Variants in CNTN4 observed in about 807,000 individuals in gnomAD.
CNTN4 encodes the protein contactin-4.
Under a neutral mutation model 122.5 loss-of-function variants are expected in CNTN4, and 77 were observed. The observed-to-expected ratio is 0.63, with a 90% confidence interval of 0.52 to 0.76. The LOEUF (loss-of-function observed/expected upper bound fraction) is 0.76. Among genes scored for constraint, CNTN4 ranks in the 30% least tolerant of loss-of-function variants. The pLI is 0.00. For missense variants in CNTN4, 1,256 were observed against 1,259.1 expected, an observed-to-expected ratio of 1.00 and a Z score of 0.04; for synonymous variants, 512 against 447.0, an observed-to-expected ratio of 1.15 and a Z score of -1.83.
At chr3:2,918,583 C>G (rs896992042) in intron 12 of CNTN4, among the ~76,000 whole-genome samples, 1 of 152,172 alleles carries the variant, frequency 6.6e-6, no homozygotes, top group African/African-American at 2.4e-5. Context: ...ATGTTGATAG[C>G]TTGAAATTGG....
At chr3:2,650,092 T>TATATAA (rs1365236547) in intron 4 of CNTN4, among the ~76,000 whole-genome samples, 21 of 147,478 alleles carry the variant, frequency 1.4e-4, no homozygotes, top group African/African-American at 5.2e-4. Flanking sequence ...TATATATATA[T>TATATAA]AAAAGGGAAG....
At chr3:2,897,819 T>C (rs539098720) in intron 10 of CNTN4, among the ~76,000 whole-genome samples, 1 of 152,318 alleles carries the variant, frequency 6.6e-6, no homozygotes, top group African/African-American at 2.4e-5. Flanking sequence ...TTAGAGCATT[T>C]CAGATTTTAG....
chr3:2,335,530 G>A (rs1461257394), intron 2 of CNTN4, among the ~76,000 whole-genome samples: 1 of 150,958 alleles, frequency 6.6e-6, no homozygotes, highest in Non-Finnish European at 1.5e-5. Flanking sequence ...AATAGATTCA[G>A]TTTCTTTCCC....
At chr3:2,624,592 T>G (rs1391705432) in intron 4 of CNTN4, among the ~76,000 whole-genome samples, 1 of 151,640 alleles carries the variant, frequency 6.6e-6, no homozygotes, top group Non-Finnish European at 1.5e-5. Context: ...TGCAATGAGA[T>G]TAAGAGTCTT....
At chr3:2,642,576 A>G (rs1488951978) in intron 4 of CNTN4, among the ~76,000 whole-genome samples, 1 of 152,184 alleles carries the variant, frequency 6.6e-6, no homozygotes, top group African/African-American at 2.4e-5. Context: ...ATATGTGTGT[A>G]CACATATACA....
At chr3:2,584,959 A>G (rs922804323) in intron 4 of CNTN4, among the ~76,000 whole-genome samples, 2 of 152,246 alleles carry the variant, frequency 1.3e-5, no homozygotes, top group Admixed American at 6.5e-5. Flanking sequence ...AAAAAAATGT[A>G]TATAAGCACT....
chr3:2,814,829 A>G (rs2150181127), intron 6 of CNTN4, among the ~76,000 whole-genome samples: 1 of 152,350 alleles, frequency 6.6e-6, no homozygotes, highest in African/African-American at 2.4e-5. Flanking sequence ...TGTGTCACCT[A>G]TAAATTGGGA....
chr3:2,136,896 A>G (rs1372500112), intron 2 of CNTN4, among the ~76,000 whole-genome samples: 1 of 152,238 alleles, frequency 6.6e-6, no homozygotes, highest in Non-Finnish European at 1.5e-5. Context: ...AGAGATTATT[A>G]GTTTGAATAA....
intron 3 of CNTN4, among the ~76,000 whole-genome samples, chr3:2,504,752 C>G (rs2076688879): frequency 6.6e-6 from 1 of 152,168 alleles, no homozygotes; most frequent in Non-Finnish European, 1.5e-5. Context: ...TACCTTCCTC[C>G]TCTATGTAGT....
At chr3:2,504,742 T>C (rs902062298) in intron 3 of CNTN4, among the ~76,000 whole-genome samples, 2 of 152,194 alleles carry the variant, frequency 1.3e-5, no homozygotes, top group African/African-American at 4.8e-5. Flanking sequence ...AAATTGACCA[T>C]ACCTTCCTCC....
chr3:2,821,847 C>A (rs537492168), intron 7 of CNTN4, among the ~76,000 whole-genome samples: 1 of 152,334 alleles, frequency 6.6e-6, no homozygotes, highest in Admixed American at 6.5e-5. Flanking sequence ...CCTTAATTTT[C>A]AGTTTGACTT....
intron 3 of CNTN4, among the ~76,000 whole-genome samples, chr3:2,462,501 C>A (rs73806608): frequency 0.019 from 2,958 of 152,194 alleles, 100 homozygotes; most frequent in African/African-American, 0.067. Context: ...CATTGTTATT[C>A]AAAAACATGA....
chr3:2,190,177 A>G (rs1437845653), intron 2 of CNTN4, among the ~76,000 whole-genome samples: 1 of 152,228 alleles, frequency 6.6e-6, no homozygotes, highest in African/African-American at 2.4e-5. Flanking sequence ...CTGTTCCACT[A>G]GAATGATAAT....
At chr3:2,463,251 A>G (rs2049296219) in intron 3 of CNTN4, among the ~76,000 whole-genome samples, 1 of 152,194 alleles carries the variant, frequency 6.6e-6, no homozygotes, top group East Asian at 1.9e-4. Context: ...ATAAAACTGT[A>G]AAATAAGAGC....
intron 6 of CNTN4, among the ~76,000 whole-genome samples, chr3:2,749,434 A>G (rs2089981055): frequency 6.6e-6 from 1 of 151,832 alleles, no homozygotes; most frequent in Non-Finnish European, 1.5e-5. Flanking sequence ...CAGCCTCCCA[A>G]CAAGGTGAGA....
At chr3:2,996,178 T>TTTAA (rs1436989967) in intron 14 of CNTN4, among the ~76,000 whole-genome samples, 1 of 152,142 alleles carries the variant, frequency 6.6e-6, no homozygotes, top group Non-Finnish European at 1.5e-5. Context: ...TGGGTAAATT[T>TTTAA]TTAATATATA....
intron 6 of CNTN4, among the ~76,000 whole-genome samples, chr3:2,817,621 A>G (rs1156376728): frequency 6.6e-6 from 1 of 152,130 alleles, no homozygotes; most frequent in Admixed American, 6.5e-5. Context: ...TTTCTTTCTC[A>G]TTTCTTAATA....
In CNTN4 at chr3:2,306,860, A is replaced by G. The variant is rs1002038965; in HGVS notation, c.-144-32318A>G. Among the ~76,000 whole-genome samples the G allele has an allele frequency of 2.6e-5, 4 of 151,124 alleles. No homozygotes were observed. The South Asian group carries it at 6.2e-4, about 24-fold the overall frequency. On this transcript the variant is annotated intron_variant, in intron 2 of 24. Coordinates refer to ENST00000418658, the MANE Select transcript of CNTN4 (RefSeq NM_175607.3). ...TACTGATTTTATTAAATTTGTTCCT[A>G]AGTATTTTATTATTTTTGATATTTT...
Position 2,966,777 on chromosome 3 carries a change from A to G in CNTN4, c.1359-21568A>G, listed in dbSNP as rs1298268331. Among the ~76,000 whole-genome samples the G allele has an allele frequency of 2.6e-5, 4 of 152,210 alleles. 1 individual carries two copies. Among genetic ancestry groups the G allele is most frequent in the African/African-American group, 9.7e-5 (4 of 41,444 alleles). On this transcript the variant is annotated intron_variant, in intron 13 of 24. Coordinates refer to ENST00000418658, the MANE Select transcript of CNTN4 (RefSeq NM_175607.3). ...TATTATGTACCCATAGTAATTAAAT[A>G]TACATTTTTAATGAAGAAAGAATAA... is the stretch of plus-strand genomic sequence containing the variant.
Sources: allele counts gnomAD v4.1 joint callset (sites outside exome capture counted in the v4.1 genomes callset), GRCh38; gene constraint gnomAD v4.1.1; transcripts MANE v1.5; gene names NCBI Gene and HGNC (gene_info 2026-07-23, HGNC 2026-07-21).